Variants in PRUNE2 observed in about 807,000 individuals in gnomAD.
PRUNE2 encodes prune homolog 2 with BCH domain.
Under a neutral mutation model 252.0 loss-of-function variants are expected in PRUNE2, and 164 were observed. The observed-to-expected ratio is 0.65, with a 90% CI of 0.57 to 0.74. The LOEUF (loss-of-function observed/expected upper bound fraction) is 0.74, where lower values mean the gene tolerates loss of function less well. PRUNE2 is among the 30% of genes least tolerant of loss of function. The pLI is 0.00. For missense variants in PRUNE2, 3,495 were observed against 3,711.0 expected (o/e 0.94, Z 1.51); for synonymous variants, 1,292 against 1,350.2 (o/e 0.96, Z 0.94).
intron 2 of PRUNE2, among the ~76,000 whole-genome samples, chr9:76,853,417 T>C (rs2060075464): frequency 6.6e-6 from 1 of 152,238 alleles, no homozygotes; most frequent in Admixed American, 6.5e-5. Context: ...GGCTTTACGT[T>C]AATAAAAAGC....
chr9:76,637,636 G>A, intron 13 of PRUNE2, 87 bp from the exon 14 acceptor site: 1 of 1,213,666 alleles, frequency 8.2e-7, no homozygotes, highest in Admixed American at 2.3e-5. Context: ...CAGGGTGTAT[G>A]AAATTTAAGA....
intron 6 of PRUNE2, among the ~76,000 whole-genome samples, chr9:76,807,051 T>TGTGTGTGTGTGTGTGTGTGCGCGCGC (rs60768420): frequency 7.2e-6 from 1 of 139,338 alleles, no homozygotes; most frequent in African/African-American, 2.8e-5. Flanking sequence ...TGTGTGTGTG[T>TGTGTGTGTGTGTGTGTGTGCGCGCGC]GCGCGCGCGC....
chr9:76,718,493 C>T (rs2047353003), intron 6 of PRUNE2, among the ~76,000 whole-genome samples: 1 of 152,212 alleles, frequency 6.6e-6, no homozygotes, highest in South Asian at 2.1e-4. Context: ...TGATTCTCTA[C>T]AGTATTCCAT....
chr9:76,693,600 C>T (rs625426), intron 9 of PRUNE2, among the ~76,000 whole-genome samples: 73,790 of 151,626 alleles, frequency 0.49, 19,765 homozygotes, highest in Middle Eastern at 0.62. Context: ...TGCACCACCA[C>T]GCCCAGCTAA....
At chr9:76,652,346 C>A (rs1847732981) in intron 11 of PRUNE2, 137 bp downstream of exon 11, 4 of 669,692 alleles carry the variant, frequency 6.0e-6, no homozygotes, top group Non-Finnish European at 7.8e-6. Flanking sequence ...TCAATCATGG[C>A]CACCTATAAC....
intron 7 of PRUNE2, 28 bp from the exon 8 acceptor site, chr9:76,711,386 A>C: frequency 6.7e-7 from 1 of 1,500,336 alleles, no homozygotes; most frequent in South Asian, 1.2e-5. Flanking sequence ...AATTTGTGTC[A>C]GCACTCAAGC....
chr9:76,716,438 T>C (rs550106963), intron 6 of PRUNE2, among the ~76,000 whole-genome samples: 4 of 152,300 alleles, frequency 2.6e-5, no homozygotes, highest in African/African-American at 7.2e-5. Flanking sequence ...TATTAGTTGA[T>C]ATATTTTCCT....
intron 5 of PRUNE2, among the ~76,000 whole-genome samples, chr9:76,824,717 C>T (rs549801040): frequency 6.6e-6 from 1 of 152,326 alleles, no homozygotes; most frequent in South Asian, 2.1e-4. Flanking sequence ...TAAAGCACTG[C>T]ACCCTTCCCA....
intron 6 of PRUNE2, among the ~76,000 whole-genome samples, chr9:76,722,630 C>T (rs1255769720): frequency 2.6e-5 from 4 of 152,154 alleles, no homozygotes; most frequent in Non-Finnish European, 4.4e-5. Context: ...TATTGCCTGA[C>T]ATAATTAAGT....
intron 6 of PRUNE2, among the ~76,000 whole-genome samples, chr9:76,715,935 G>T (rs377262361): frequency 6.6e-6 from 1 of 152,048 alleles, no homozygotes; most frequent in African/African-American, 2.4e-5. Flanking sequence ...TCCAGTAACT[G>T]AAGGCTTCAG....
At chr9:76,841,623 C>T (rs536375254) in intron 4 of PRUNE2, among the ~76,000 whole-genome samples, 9 of 152,256 alleles carry the variant, frequency 5.9e-5, no homozygotes, top group Admixed American at 1.3e-4. Context: ...TGCTTGAGTC[C>T]GCCATTACTG....
At chr9:76,769,686 A>T (rs2130912130) in intron 6 of PRUNE2, among the ~76,000 whole-genome samples, 1 of 152,318 alleles carries the variant, frequency 6.6e-6, no homozygotes, top group East Asian at 1.9e-4. Context: ...CAGGCTCCCA[A>T]AGTGCTGAGA....
intron 9 of PRUNE2, among the ~76,000 whole-genome samples, chr9:76,662,885 G>C (rs1048586651): frequency 1.3e-5 from 2 of 152,154 alleles, no homozygotes; most frequent in East Asian, 3.8e-4. Context: ...AGTCTATTAA[G>C]ATCTGCTGGA....
chr9:76,867,839 G>A (rs1446825111), intron 1 of PRUNE2, among the ~76,000 whole-genome samples: 1 of 152,146 alleles, frequency 6.6e-6, no homozygotes, highest in African/African-American at 2.4e-5. Flanking sequence ...CCAAAGTGCT[G>A]GGATTACAGG....
intron 6 of PRUNE2, among the ~76,000 whole-genome samples, chr9:76,726,580 G>A (rs1159433634): frequency 2.0e-5 from 3 of 152,154 alleles, no homozygotes; most frequent in Non-Finnish European, 4.4e-5. Flanking sequence ...CTCCAATTAA[G>A]GAGGGTATTA....
At chr9:76,679,723 T>C (rs2043216201) in intron 9 of PRUNE2, among the ~76,000 whole-genome samples, 1 of 152,224 alleles carries the variant, frequency 6.6e-6, no homozygotes, top group African/African-American at 2.4e-5. Context: ...CCCATGCCTA[T>C]ATTGTCAAAT....
At chr9:76,724,873 A>G (rs1457893241) in intron 6 of PRUNE2, among the ~76,000 whole-genome samples, 1 of 152,078 alleles carries the variant, frequency 6.6e-6, no homozygotes, top group Non-Finnish European at 1.5e-5. Flanking sequence ...TTGTTTCTGT[A>G]TGTTTATAAG....
At chr9:76,660,540 T>C (rs1850898180) in intron 9 of PRUNE2, among the ~76,000 whole-genome samples, 2 of 151,744 alleles carry the variant, frequency 1.3e-5, no homozygotes, top group Admixed American at 6.6e-5. Flanking sequence ...TCCCAACACT[T>C]TGGGAGGCCG....
At chr9:76,879,904 T>TATATATATATA (rs1491404618) in intron 1 of PRUNE2, among the ~76,000 whole-genome samples, 3 of 43,886 alleles carry the variant, frequency 6.8e-5, no homozygotes, top group South Asian at 7.8e-4. Context: ...TATATATATA[T>TATATATATATA]TTTTTTTTTT....
Sources: gnomAD v4.1 joint callset for allele counts (sites outside exome capture counted in the v4.1 genomes callset) on GRCh38, gnomAD v4.1.1 for gene constraint, MANE v1.5 for transcripts, NCBI Gene and HGNC (gene_info 2026-07-23, HGNC 2026-07-21) for gene names.